Variants in MAMLD1 observed in about 807,000 individuals in gnomAD.
The protein encoded by MAMLD1 is mastermind like domain containing 1, also known as mastermind-like domain-containing protein 1.
In MAMLD1, 14 loss-of-function variants were observed where a neutral mutation model predicts 45.0. The observed-to-expected ratio is 0.31, with a 90% confidence interval of 0.21 to 0.49. The LOEUF is 0.49. Ranked by LOEUF, MAMLD1 falls within the 20% of genes least tolerant of loss-of-function variation. MAMLD1 has a pLI of 0.99. For synonymous variants in MAMLD1, 254 were observed against 247.8 expected (o/e 1.02, Z -0.24); for missense variants, 543 against 603.6 (o/e 0.90, Z 1.05).
At chrX:150,447,295 T>C (rs1248537201) in intron 2 of MAMLD1, among the ~76,000 whole-genome samples, 10 of 112,504 alleles carry the variant, frequency 8.9e-5, no homozygotes, top group African/African-American at 3.2e-4. Flanking sequence ...CCTTGTTCTC[T>C]GAAAGAGTTC....
intron 3 of MAMLD1, among the ~76,000 whole-genome samples, chrX:150,468,898 A>G (rs1326478307): frequency 4.5e-5 from 5 of 111,645 alleles, no homozygotes; most frequent in Non-Finnish European, 5.6e-5. Context: ...ATTGCCAGTC[A>G]TCCCAAATAA....
chrX:150,374,053 C>T (rs1008178338), intron 1 of MAMLD1, among the ~76,000 whole-genome samples: 1 of 112,321 alleles, frequency 8.9e-6, no homozygotes, highest in Non-Finnish European at 1.9e-5. Flanking sequence ...AACCTCAAAT[C>T]ATAACAAAAA....
In MAMLD1 at chrX:150,503,487, G is replaced by A. The variant is rs782521539; in HGVS notation, c.2254G>A (p.Ala752Thr). 4 of 1,178,229 alleles carry A rather than the reference G, an allele frequency of 3.4e-6. No individual in the cohort carries two copies. The highest frequency in any genetic ancestry group is 2.2e-5 in the Admixed American group (1 of 45,257). ...WDPKAWRQVP[A>T]PLLPSCDATA... ...TCCGAAGGCCTGGAGGCAGGTGCCC[G>A]CTCCACTACTGCCTAGCTGCGACGC... Residue 752 changes from alanine to threonine, a missense_variant, in exon 6 of 8, where the codon GCT becomes ACT. Transcript: ENST00000370401.
intron 5 of MAMLD1, among the ~76,000 whole-genome samples, chrX:150,477,882 C>T (rs957961564): frequency 2.7e-5 from 3 of 111,287 alleles, no homozygotes; most frequent in African/African-American, 6.6e-5. Flanking sequence ...ATGAACAGGG[C>T]GGAAAGCGTG....
At chrX:150,417,898 T>G (rs1414388184) in intron 1 of MAMLD1, among the ~76,000 whole-genome samples, 4 of 111,455 alleles carry the variant, frequency 3.6e-5, no homozygotes, top group African/African-American at 9.8e-5. Flanking sequence ...TCATTGTAGA[T>G]TCTGGATATT....
At chrX:150,432,871 T>G (rs2034999998) in intron 1 of MAMLD1, among the ~76,000 whole-genome samples, 1 of 112,392 alleles carries the variant, frequency 8.9e-6, no homozygotes, top group African/African-American at 3.2e-5. Context: ...TTTGCTCTTT[T>G]TCCTTAGGAT....
At chrX:150,504,217 C>T (rs2037656044) in intron 6 of MAMLD1, 3 of 752,109 alleles carry the variant, frequency 4.0e-6, no homozygotes, top group Non-Finnish European at 3.1e-6. Context: ...TGAGAGCAAG[C>T]GGATGGACAC....
intron 1 of MAMLD1, among the ~76,000 whole-genome samples, chrX:150,444,474 G>A (rs1221021865): frequency 8.9e-6 from 1 of 111,801 alleles, no homozygotes; most frequent in Non-Finnish European, 1.9e-5. Context: ...ACTCGCCACT[G>A]CATCATTGCT....
chrX:150,503,588 C>A, intron 6 of MAMLD1, 71 bp downstream of exon 6: 3 of 649,043 alleles, frequency 4.6e-6, no homozygotes, highest in Non-Finnish European at 7.4e-6. Context: ...TCAGCCTGCC[C>A]GCCTGCCTCA....
intron 1 of MAMLD1, among the ~76,000 whole-genome samples, chrX:150,444,382 G>T (rs782410703): frequency 8.9e-6 from 1 of 111,737 alleles, no homozygotes; most frequent in Non-Finnish European, 1.9e-5. Context: ...GGGCTTCTTT[G>T]TTAGTGCCCA....
intron 1 of MAMLD1, among the ~76,000 whole-genome samples, chrX:150,423,966 A>T (rs1367438107): frequency 6.2e-5 from 7 of 112,482 alleles, no homozygotes; most frequent in Non-Finnish European, 1.1e-4. Flanking sequence ...ACTTGGACTC[A>T]CATTACTTTG....
At chrX:150,493,877 C>A (rs2037269229) in intron 5 of MAMLD1, among the ~76,000 whole-genome samples, 1 of 112,050 alleles carries the variant, frequency 8.9e-6, no homozygotes, top group Non-Finnish European at 1.9e-5. Context: ...AAAACACAAA[C>A]CTCATGGCAT....
intron 1 of MAMLD1, among the ~76,000 whole-genome samples, chrX:150,387,612 G>A (rs1290447976): frequency 8.9e-6 from 1 of 111,765 alleles, no homozygotes; most frequent in Admixed American, 9.5e-5. Flanking sequence ...TGGGGTCCTG[G>A]AACCAACCCT....
chrX:150,390,466 C>A (rs1216413339), intron 1 of MAMLD1, among the ~76,000 whole-genome samples: 2 of 112,043 alleles, frequency 1.8e-5, no homozygotes, highest in African/African-American at 6.5e-5. Context: ...TAGCATATTA[C>A]ATTGTATAAT....
At chrX:150,511,071 T>C (rs889143204) in intron 7 of MAMLD1, among the ~76,000 whole-genome samples, 2 of 112,077 alleles carry the variant, frequency 1.8e-5, no homozygotes, top group Non-Finnish European at 3.8e-5. Flanking sequence ...AAAAAATCAT[T>C]TTTGTAGATA....
At chrX:150,511,279 T>A (rs782444065) in intron 7 of MAMLD1, among the ~76,000 whole-genome samples, 3 of 111,396 alleles carry the variant, frequency 2.7e-5, no homozygotes, top group Non-Finnish European at 5.7e-5. Context: ...GTATTCCCCA[T>A]CTTAGGCACC....
intron 1 of MAMLD1, among the ~76,000 whole-genome samples, chrX:150,426,324 A>G (rs2034701731): frequency 8.9e-6 from 1 of 112,186 alleles, no homozygotes; most frequent in Admixed American, 9.4e-5. Flanking sequence ...TGAGGAGTCT[A>G]TTGCTGGTGC....
chrX:150,375,282 G>C (rs144073162), intron 1 of MAMLD1, among the ~76,000 whole-genome samples: 3,350 of 111,417 alleles, frequency 0.03, 90 homozygotes, highest in East Asian at 0.18. Context: ...TCTCTGTCTG[G>C]CTCCTCACAA....
At chrX:150,374,826 T>C (rs1427615585) in intron 1 of MAMLD1, among the ~76,000 whole-genome samples, 1 of 111,529 alleles carries the variant, frequency 9.0e-6, no homozygotes, top group Non-Finnish European at 1.9e-5. Flanking sequence ...AGATAGTTGT[T>C]TGGTTTTTCA....
Sources: allele counts gnomAD v4.1 joint callset (sites outside exome capture counted in the v4.1 genomes callset), GRCh38; gene constraint gnomAD v4.1.1; transcripts MANE v1.5; gene names NCBI Gene and HGNC (gene_info 2026-07-23, HGNC 2026-07-21).